The following GPR149 variants were observed in gnomAD, a reference collection of about 807,000 sequenced individuals.
GPR149 encodes the protein G protein-coupled receptor 149, also known as probable G protein-coupled receptor 149.
In GPR149, 50 loss-of-function variants were observed where a neutral mutation model predicts 50.2. The ratio of observed to expected loss-of-function variants is 1.00; its 90% CI spans 0.79 to 1.26. GPR149 has a LOEUF of 1.26. GPR149 is among the 50% of genes most tolerant of loss of function. The pLI is 0.00. For missense variants in GPR149, 983 were observed against 895.4 expected, an observed-to-expected ratio of 1.10 and a Z score of -1.25; for synonymous variants, 405 against 358.2, an observed-to-expected ratio of 1.13 and a Z score of -1.48.
intron 3 of GPR149, among the ~76,000 whole-genome samples, chr3:154,367,730 C>A (rs1343418326): frequency 1.3e-5 from 2 of 152,130 alleles, no homozygotes; most frequent in African/African-American, 4.8e-5. Context: ...TGATCCATGT[C>A]TCTCTCTCAC....
At chr3:154,372,041 A>G (rs983370359) in intron 3 of GPR149, among the ~76,000 whole-genome samples, 2 of 147,884 alleles carry the variant, frequency 1.4e-5, no homozygotes, top group Non-Finnish European at 3.0e-5. Context: ...AAGACACCAC[A>G]ACTGCAGGGC....
In GPR149 at chr3:154,412,332, A is replaced by T. The variant is rs897931284; in HGVS notation, c.1623+8707T>A. 2.6e-4 allele frequency among the ~76,000 whole-genome samples: 40 copies of T among 151,954 alleles called. 1 individual carries two copies. The highest frequency in any genetic ancestry group is 1.8e-3 in the Admixed American group (27 of 15,240). ...TTTCATCACTTCTGTTCAACATAGA[A>T]GTCCTAGGCAAGCAATCAGACAAGA... On this transcript the variant is annotated intron_variant, in intron 3 of 3. Coordinates refer to ENST00000389740, the MANE Select transcript of GPR149 (RefSeq NM_001038705.3).
intron 3 of GPR149, among the ~76,000 whole-genome samples, chr3:154,349,006 A>G (rs987682530): frequency 4.6e-5 from 7 of 152,136 alleles, no homozygotes; most frequent in African/African-American, 1.4e-4. Context: ...CTTGGAAACT[A>G]AACACTTCTA....
intron 3 of GPR149, among the ~76,000 whole-genome samples, chr3:154,363,944 C>A (rs1415014055): frequency 6.6e-6 from 1 of 152,202 alleles, no homozygotes; most frequent in Admixed American, 6.5e-5. Context: ...CCTTATTCCT[C>A]TTGGTTGTGG....
intron 3 of GPR149, among the ~76,000 whole-genome samples, chr3:154,346,953 T>G (rs529765832): frequency 5.9e-5 from 9 of 152,270 alleles, no homozygotes; most frequent in African/African-American, 2.2e-4. Context: ...TTTTTAGGAT[T>G]GATATCCATC....
intron 3 of GPR149, among the ~76,000 whole-genome samples, chr3:154,346,986 G>T (rs1420418274): frequency 2.0e-5 from 3 of 152,118 alleles, no homozygotes; most frequent in Non-Finnish European, 4.4e-5. Context: ...TACTGATCCT[G>T]CTGAATAAGA....
chr3:154,366,527 A>T (rs1714536615), intron 3 of GPR149, among the ~76,000 whole-genome samples: 1 of 152,210 alleles, frequency 6.6e-6, no homozygotes, highest in African/African-American at 2.4e-5. Flanking sequence ...GTCCAAAAAG[A>T]GACATTTACA....
intron 3 of GPR149, among the ~76,000 whole-genome samples, chr3:154,389,771 T>C (rs1233419832): frequency 6.6e-6 from 1 of 152,174 alleles, no homozygotes; most frequent in Non-Finnish European, 1.5e-5. Flanking sequence ...ATTAATGAAA[T>C]CTGGCATATT....
At chr3:154,344,092 G>A (rs1420163120) in intron 3 of GPR149, among the ~76,000 whole-genome samples, 1 of 152,152 alleles carries the variant, frequency 6.6e-6, no homozygotes, top group Non-Finnish European at 1.5e-5. Flanking sequence ...TAATCCTATG[G>A]TTCTAGTAAG....
intron 2 of GPR149, among the ~76,000 whole-genome samples, chr3:154,422,435 T>C (rs1712173560): frequency 6.6e-6 from 1 of 151,706 alleles, no homozygotes; most frequent in African/African-American, 2.4e-5. Flanking sequence ...TGTCAAAACA[T>C]GGTTTGTTTC....
At chr3:154,422,760 A>T (rs1304487284) in intron 2 of GPR149, among the ~76,000 whole-genome samples, 1 of 151,842 alleles carries the variant, frequency 6.6e-6, no homozygotes, top group African/African-American at 2.4e-5. Context: ...ACAGATGTTC[A>T]TATTTTATAT....
At chr3:154,386,651 A>C (rs1217270821) in intron 3 of GPR149, among the ~76,000 whole-genome samples, 4 of 152,184 alleles carry the variant, frequency 2.6e-5, no homozygotes, top group African/African-American at 4.8e-5. Context: ...TTCACCTAGA[A>C]CCTGCCTTAG....
chr3:154,400,459 T>C lies in GPR149; in HGVS notation c.1623+20580A>G, dbSNP rs564495746. Among the ~76,000 whole-genome samples the C allele has an allele frequency of 4.6e-5, 7 of 152,302 alleles. 1 individual carries two copies. In the East Asian group the frequency reaches 1.3e-3, roughly 29 times the overall value. ...GTCTTAGTATCCTTTTCAATATTCT[T>C]CACTGTGTTCTCAAAGCCACTTCAA... is the stretch of plus-strand genomic sequence containing the variant. On this transcript the variant is annotated intron_variant, in intron 3 of 3. Transcript: ENST00000389740.
At chr3:154,415,945 G>T (rs1395422464) in intron 3 of GPR149, among the ~76,000 whole-genome samples, 1 of 151,774 alleles carries the variant, frequency 6.6e-6, no homozygotes, top group East Asian at 1.9e-4. Flanking sequence ...ATGACTGGGT[G>T]GAGGCTATAA....
chr3:154,354,996 G>A (rs765194460), intron 3 of GPR149, among the ~76,000 whole-genome samples: 1 of 152,100 alleles, frequency 6.6e-6, no homozygotes, highest in Non-Finnish European at 1.5e-5. Flanking sequence ...GTAAGCTTCT[G>A]AAATGAATAT....
chr3:154,417,527 G>T (rs1158087747), intron 3 of GPR149, among the ~76,000 whole-genome samples: 1 of 151,964 alleles, frequency 6.6e-6, no homozygotes, highest in Non-Finnish European at 1.5e-5. Flanking sequence ...AATCAAATCT[G>T]CTTTTAAAAT....
At chr3:154,351,313 C>CAAAAAAAAAAAAAAAA (rs71155003) in intron 3 of GPR149, among the ~76,000 whole-genome samples, 1 of 75,528 alleles carries the variant, frequency 1.3e-5, no homozygotes, top group Non-Finnish European at 2.4e-5. Context: ...CATCCACATA[C>CAAAAAAAAAAAAAAAA]AAAAAAAAAA....
chr3:154,368,835 C>A (rs979396070), intron 3 of GPR149, among the ~76,000 whole-genome samples: 1 of 152,176 alleles, frequency 6.6e-6, no homozygotes, highest in African/African-American at 2.4e-5. Context: ...AGTTTTATGG[C>A]CAGGCCCACG....
intron 3 of GPR149, among the ~76,000 whole-genome samples, chr3:154,370,825 C>T (rs1047322842): frequency 2.0e-5 from 3 of 152,208 alleles, no homozygotes; most frequent in Admixed American, 1.3e-4. Context: ...TTTCTCTTGC[C>T]TCCTCAGCTG....
Sources: allele counts gnomAD v4.1 joint callset (sites outside exome capture counted in the v4.1 genomes callset), GRCh38; gene constraint gnomAD v4.1.1; transcripts MANE v1.5; gene names NCBI Gene and HGNC (gene_info 2026-07-23, HGNC 2026-07-21).